CNTLN: variants seen among roughly 807,000 people sequenced by gnomAD.
CNTLN encodes centlein.
CNTLN carries 212 observed loss-of-function variants against 180.0 expected under a neutral mutation model. That is an observed-to-expected ratio of 1.18 (90% CI 1.05 to 1.32). CNTLN has a LOEUF of 1.32. Ranked by LOEUF, CNTLN falls within the 40% of genes most tolerant of loss-of-function variation. The pLI is 0.00. For synonymous variants in CNTLN, 722 were observed against 563.1 expected, an observed-to-expected ratio of 1.28 and a Z score of -3.99; for missense variants, 2,095 against 1,610.9, an observed-to-expected ratio of 1.30 and a Z score of -5.14.
At chr9:17,159,904 T>G (rs1369841407) in intron 2 of CNTLN, among the ~76,000 whole-genome samples, 2 of 152,210 alleles carry the variant, frequency 1.3e-5, no homozygotes, top group African/African-American at 4.8e-5. Context: ...TTTCACCAGT[T>G]TCACTGGAGA....
At position 17,431,342 on chromosome 9, in the gene CNTLN, A is replaced by T. The variant is rs74983642; in HGVS notation, c.3114+15153A>T. 7.2e-3 allele frequency among the ~76,000 whole-genome samples: 1,098 copies of T among 151,902 alleles called. 12 individuals carry two copies. The highest frequency in any genetic ancestry group is 0.025 in the African/African-American group (1,020 of 41,460). ...TTTTTCTTATACCTTTTGGCCATTT[A>T]TGTCTTTTTTTAGAGAAATGTCTGT... On this transcript the variant is annotated intron_variant, in intron 18 of 25. Transcript: ENST00000380647.
intron 13 of CNTLN, among the ~76,000 whole-genome samples, chr9:17,373,509 A>T (rs918885271): frequency 6.6e-6 from 1 of 152,140 alleles, no homozygotes; most frequent in Non-Finnish European, 1.5e-5. Context: ...TCCCCTTTTA[A>T]TGGATTGTTA....
intron 2 of CNTLN, among the ~76,000 whole-genome samples, chr9:17,146,477 A>G (rs886656317): frequency 1.3e-5 from 2 of 152,132 alleles, no homozygotes; most frequent in Non-Finnish European, 2.9e-5. Flanking sequence ...GGCCTTTTGG[A>G]AGTGATTACA....
At chr9:17,457,856 A>G (rs2197152) in intron 19 of CNTLN, 141 bp downstream of exon 19, 346,172 of 473,022 alleles carry the variant, frequency 0.73, 128,711 homozygotes, top group East Asian at 0.91. Flanking sequence ...TGCCTTCATC[A>G]TTAATTTTTA....
At chr9:17,521,034 G>A in the CNTLN span, among the ~76,000 whole-genome samples, 1 of 152,118 alleles carries the variant, frequency 6.6e-6, no homozygotes, top group Non-Finnish European at 1.5e-5. Context: ...TGTAATAGGA[G>A]TCTATAAATG....
At chr9:17,455,529 T>A (rs1466697156) in intron 18 of CNTLN, among the ~76,000 whole-genome samples, 1 of 152,152 alleles carries the variant, frequency 6.6e-6, no homozygotes, top group African/African-American at 2.4e-5. Flanking sequence ...GTAGAAAGAT[T>A]AGACAGAAAT....
chr9:17,428,840 G>C (rs1180889497), intron 18 of CNTLN, among the ~76,000 whole-genome samples: 1 of 151,848 alleles, frequency 6.6e-6, no homozygotes, highest in African/African-American at 2.4e-5. Context: ...TTATTTTGGT[G>C]TTCTAAAATC....
rs1833826610 is a variant in CNTLN, at chr9:17,502,868, G to A, written c.*216G>A. The stretch of plus-strand genomic sequence containing the variant: ...GGAAATAGTGTAGCATCTGATGGTC[G>A]AATACAAATATTGCCACAAATCAGT... On this transcript the variant is annotated 3_prime_UTR_variant, in exon 26 of 26. Transcript: ENST00000380647. 1 of 262,642 alleles carries A rather than the reference G, an allele frequency of 3.8e-6. No individual in the cohort carries two copies. The highest frequency in any genetic ancestry group is 7.2e-6 in the Non-Finnish European group (1 of 139,846). 16.3% of individuals were successfully genotyped at this position (262,642 alleles called of 1,614,324 possible). A position where few individuals can be genotyped will look rare whatever the true frequency, so the allele number is the denominator to read the frequency against.
intron 5 of CNTLN, among the ~76,000 whole-genome samples, chr9:17,268,660 A>T (rs10962983): frequency 1.2e-4 from 18 of 151,968 alleles, no homozygotes; most frequent in African/African-American, 3.9e-4. Context: ...AGAGGCAGGC[A>T]GGCCTCCTTG....
At chr9:17,312,364 T>TATATATAATATATATATATATATAATA (rs369729227) in intron 8 of CNTLN, among the ~76,000 whole-genome samples, 1 of 20,186 alleles carries the variant, frequency 5.0e-5, no homozygotes, top group African/African-American at 1.1e-4. Context: ...TATATATATA[T>TATATATAATATATATATATATATAATA]TATATATATA....
At chr9:17,475,358 A>G (rs748172326) in intron 23 of CNTLN, among the ~76,000 whole-genome samples, 63 of 151,978 alleles carry the variant, frequency 4.1e-4, no homozygotes, top group Admixed American at 5.9e-4. Context: ...GAGAAACTCT[A>G]GATATTGATT....
chr9:17,399,113 A>G (rs561332509), intron 15 of CNTLN, among the ~76,000 whole-genome samples: 1 of 152,314 alleles, frequency 6.6e-6, no homozygotes, highest in South Asian at 2.1e-4. Context: ...CTTTTCCCTT[A>G]TCACTTCTTT....
intron 7 of CNTLN, among the ~76,000 whole-genome samples, chr9:17,307,649 T>C (rs1212213779): frequency 6.6e-6 from 1 of 152,072 alleles, no homozygotes; most frequent in Non-Finnish European, 1.5e-5. Context: ...CTTTGGAGGG[T>C]CTTATTTTTG....
chr9:17,223,105 A>G (rs986259670), intron 2 of CNTLN, among the ~76,000 whole-genome samples: 15 of 152,062 alleles, frequency 9.9e-5, no homozygotes, highest in African/African-American at 3.6e-4. Flanking sequence ...TGTTTATAGC[A>G]TGGATACTTT....
chr9:17,351,286 T>C (rs73424151), intron 12 of CNTLN, among the ~76,000 whole-genome samples: 1 of 152,316 alleles, frequency 6.6e-6, no homozygotes, highest in African/African-American at 2.4e-5. Flanking sequence ...TATGACAATG[T>C]CATCTATCAT....
intron 2 of CNTLN, among the ~76,000 whole-genome samples, chr9:17,164,575 T>A (rs1819933865): frequency 2.1e-5 from 3 of 144,976 alleles, no homozygotes; most frequent in South Asian, 2.2e-4. Flanking sequence ...GCCTCCCGAG[T>A]AGCTGGGATT....
chr9:17,298,389 A>T (rs1020661409), intron 7 of CNTLN, 37 bp downstream of exon 7: 8 of 1,529,338 alleles, frequency 5.2e-6, no homozygotes, highest in Admixed American at 2.1e-5. Context: ...GTAAATGTTT[A>T]TGTATGAACT....
intron 13 of CNTLN, among the ~76,000 whole-genome samples, chr9:17,368,717 A>G (rs1824044294): frequency 6.6e-6 from 1 of 152,170 alleles, no homozygotes; most frequent in Non-Finnish European, 1.5e-5. Flanking sequence ...TAATCCAGAG[A>G]ATTCTTCCGG....
chr9:17,517,978 T>C, the CNTLN span, among the ~76,000 whole-genome samples: 2 of 151,626 alleles, frequency 1.3e-5, no homozygotes, highest in Non-Finnish European at 2.9e-5. Context: ...TAGGCTTTTT[T>C]TCTTCCCTAA....
Sources: gnomAD v4.1 joint callset for allele counts (sites outside exome capture counted in the v4.1 genomes callset) on GRCh38, gnomAD v4.1.1 for gene constraint, MANE v1.5 for transcripts, NCBI Gene and HGNC (gene_info 2026-07-23, HGNC 2026-07-21) for gene names.